SIPA1L2: variants seen among roughly 807,000 people sequenced by gnomAD.
SIPA1L2 encodes signal induced proliferation associated 1 like 2, also known as signal-induced proliferation-associated 1-like protein 2.
In SIPA1L2, 56 loss-of-function variants were observed where a neutral mutation model predicts 163.9. The ratio of observed to expected loss-of-function variants is 0.34; its 90% CI spans 0.28 to 0.43. The LOEUF is 0.43. Ranked by LOEUF, SIPA1L2 falls within the 20% of genes least tolerant of loss-of-function variation. The pLI, the probability that SIPA1L2 is intolerant of heterozygous loss-of-function variation, is 1.00. For synonymous variants in SIPA1L2, 877 were observed against 865.7 expected, an observed-to-expected ratio of 1.01 and a Z score of -0.23; for missense variants, 1,974 against 2,193.5, an observed-to-expected ratio of 0.90 and a Z score of 2.00.
chr1:232,542,519 T>C (rs1657747734), intron 2 of SIPA1L2, among the ~76,000 whole-genome samples: 1 of 152,180 alleles, frequency 6.6e-6, no homozygotes, highest in African/African-American at 2.4e-5. Flanking sequence ...TCATGTCCAG[T>C]CTTTCAAAAC....
intron 10 of SIPA1L2, among the ~76,000 whole-genome samples, chr1:232,452,802 G>A (rs1357112076): frequency 5.9e-5 from 9 of 152,182 alleles, no homozygotes; most frequent in Admixed American, 5.9e-4. Context: ...ATGACTATGT[G>A]TAGCTTAGAA....
At chr1:232,428,349 A>AT in intron 17 of SIPA1L2, 62 bp downstream of exon 17, 1 of 1,067,312 alleles carries the variant, frequency 9.4e-7, no homozygotes, top group Non-Finnish European at 1.3e-6. Context: ...GTTTCTTTAG[A>AT]CTTTTTTTTT....
At chr1:232,568,392 G>C (rs527351977) in intron 2 of SIPA1L2, among the ~76,000 whole-genome samples, 110 of 152,304 alleles carry the variant, frequency 7.2e-4, no homozygotes, top group African/African-American at 2.6e-3. Context: ...TGCTTGGTGT[G>C]GGGGCAAACT....
rs866896638 is a variant in SIPA1L2, at chr1:232,465,367, G to A, written c.2293C>T (p.Pro765Ser). 1 of 1,613,606 alleles carries A rather than the reference G, an allele frequency of 6.2e-7. No homozygotes were observed. Reference sequence around the variant, plus strand: ...GACTTTGGAAAAGTTACACCTTTGGGAATCGGTGGGCCAAATGGTGGCACA... The same window carrying A: ...GACTTTGGAAAAGTTACACCTTTGGAAATCGGTGGGCCAAATGGTGGCACA... Reference protein sequence around the residue: ...KDVPPFGPPIPKGVTFPKSAV... With the variant: ...KDVPPFGPPISKGVTFPKSAV... Residue 765 changes from proline (P) to serine (S), a missense_variant, in exon 9 of 23, where the codon CCC (proline) becomes TCC (serine). Pro to Ser is a moderately conservative substitution (Grantham distance 74). Around this residue, in one of 3 missense-constraint regions of SIPA1L2, gnomAD observed 288 missense variants for 418.9 expected, o/e 0.69. Transcript: ENST00000674635. This position sits in a 1 kb window ranked among gnomAD's most constrained non-coding sequence, Gnocchi z 4.1.
chr1:232,497,988 G>A (rs1666285229), intron 3 of SIPA1L2, among the ~76,000 whole-genome samples: 1 of 152,048 alleles, frequency 6.6e-6, no homozygotes, highest in Admixed American at 6.6e-5. Flanking sequence ...CCCTCTGCCT[G>A]GAATGTCTTC....
intron 5 of SIPA1L2, among the ~76,000 whole-genome samples, chr1:232,486,364 T>C (rs1665648886): frequency 6.6e-6 from 1 of 152,092 alleles, no homozygotes; most frequent in Non-Finnish European, 1.5e-5. Flanking sequence ...TTCACACCCC[T>C]CTCTTCCCAG....
At chr1:232,569,368 T>A (rs949823104) in intron 2 of SIPA1L2, among the ~76,000 whole-genome samples, 2 of 152,322 alleles carry the variant, frequency 1.3e-5, no homozygotes, top group African/African-American at 4.8e-5. Flanking sequence ...CCCTGACTTG[T>A]TCTTGACAAC....
chr1:232,611,192 T>C (rs1438616404), intron 1 of SIPA1L2, among the ~76,000 whole-genome samples: 2 of 152,246 alleles, frequency 1.3e-5, no homozygotes, highest in African/African-American at 4.8e-5. Context: ...GCCATGATTC[T>C]GAGGCCTCCC....
At chr1:232,551,751 G>A (rs547902285) in intron 2 of SIPA1L2, among the ~76,000 whole-genome samples, 9 of 152,364 alleles carry the variant, frequency 5.9e-5, no homozygotes, top group South Asian at 2.1e-4. Flanking sequence ...AGCTACAGCC[G>A]GAGTGATAGT....
intron 16 of SIPA1L2, among the ~76,000 whole-genome samples, chr1:232,430,194 G>A (rs1329038114): frequency 2.0e-5 from 3 of 152,148 alleles, no homozygotes; most frequent in Non-Finnish European, 2.9e-5. Context: ...TGCAGGCTGA[G>A]ATGACCAATC....
chr1:232,566,730 T>C (rs1239465746), intron 2 of SIPA1L2, among the ~76,000 whole-genome samples: 1 of 152,228 alleles, frequency 6.6e-6, no homozygotes, highest in Non-Finnish European at 1.5e-5. Flanking sequence ...AATCCAACGT[T>C]CACAATACTC....
chr1:232,457,908 C>T (rs1329534394), intron 10 of SIPA1L2, among the ~76,000 whole-genome samples: 2 of 152,186 alleles, frequency 1.3e-5, no homozygotes, highest in Non-Finnish European at 2.9e-5. Context: ...TTTATCAGGG[C>T]ACCCAGACAG....
intron 1 of SIPA1L2, among the ~76,000 whole-genome samples, chr1:232,601,965 T>C (rs2102855859): frequency 6.6e-6 from 1 of 152,322 alleles, no homozygotes; most frequent in Non-Finnish European, 1.5e-5. Flanking sequence ...TGAAGGAGTA[T>C]ATGTTTTTTA....
intron 2 of SIPA1L2, among the ~76,000 whole-genome samples, chr1:232,531,732 C>T (rs1425992653): frequency 2.0e-5 from 3 of 152,112 alleles, no homozygotes; most frequent in Admixed American, 6.5e-5. Context: ...TTGTTCAAAG[C>T]GACTGCTATC....
At chr1:232,463,179 C>T (rs12044960) in intron 9 of SIPA1L2, among the ~76,000 whole-genome samples, 18,965 of 152,164 alleles carry the variant, frequency 0.12, 2,746 homozygotes, top group East Asian at 0.71. Flanking sequence ...GTTGCACATC[C>T]GTGAAGTGAG....
Position 232,460,846 on chromosome 1 carries a change from C to T in SIPA1L2, c.3095+41G>A, listed in dbSNP as rs1414181375. On this transcript the variant is annotated intron_variant, in intron 10 of 22. Transcript: ENST00000674635. ...TGAGGACAGCCACCTGCTACAGAGG[C>T]AAAGGAGGAGTGAGCATTACTTGGG... is the stretch of plus-strand genomic sequence containing the variant. The T allele has an allele frequency of 1.9e-6, 3 of 1,590,586 alleles. No individual in the cohort carries two copies. The South Asian group carries it at 3.4e-5, about 18-fold the overall frequency.
intron 1 of SIPA1L2, among the ~76,000 whole-genome samples, chr1:232,576,872 G>A (rs75644996): frequency 1.3e-5 from 2 of 152,236 alleles, no homozygotes; most frequent in East Asian, 3.9e-4. Flanking sequence ...TCAGAGAAAG[G>A]CCCTAATACT....
At chr1:232,479,510 C>T in intron 7 of SIPA1L2, 117 bp downstream of exon 7, 2 of 781,254 alleles carry the variant, frequency 2.6e-6, no homozygotes, top group Non-Finnish European at 4.4e-6. Context: ...ATGATTAATG[C>T]TATTCAAGAA....
At chr1:232,597,557 G>A (rs1273938290) in intron 1 of SIPA1L2, among the ~76,000 whole-genome samples, 5 of 151,466 alleles carry the variant, frequency 3.3e-5, no homozygotes, top group Non-Finnish European at 5.9e-5. Context: ...GGGCGTGATG[G>A]CGGGCGTCTG....
Sources: gnomAD v4.1 joint callset for allele counts (sites outside exome capture counted in the v4.1 genomes callset) on GRCh38, gnomAD v4.1.1 for gene constraint, gnomAD v4.1.1 regional missense constraint, Gnocchi (gnomAD v3.1) non-coding constraint, MANE v1.5 for transcripts, NCBI Gene and HGNC (gene_info 2026-07-23, HGNC 2026-07-21) for gene names.